Variants in RGS6 observed in about 807,000 individuals in gnomAD.
RGS6 encodes regulator of G-protein signaling 6.
A neutral mutation model predicts 78.5 loss-of-function variants in RGS6; 30 were observed. The ratio of observed to expected loss-of-function variants is 0.38; its 90% CI spans 0.29 to 0.52. RGS6 has a LOEUF of 0.52. RGS6 is among the 20% of genes least tolerant of loss of function. RGS6 has a pLI of 0.85. For missense variants in RGS6, 495 were observed against 609.7 expected, an observed-to-expected ratio of 0.81 and a Z score of 1.98; for synonymous variants, 206 against 206.0, an observed-to-expected ratio of 1.00 and a Z score of 0.00.
chr14:72,390,790 G>A (rs1437069721), intron 3 of RGS6, among the ~76,000 whole-genome samples: 2 of 152,228 alleles, frequency 1.3e-5, no homozygotes, highest in African/African-American at 4.8e-5. Context: ...TGGAGGCTCA[G>A]AGAGATTGGT....
intron 17 of RGS6, among the ~76,000 whole-genome samples, chr14:72,553,735 C>G (rs1370576218): frequency 6.6e-6 from 1 of 152,202 alleles, no homozygotes; most frequent in Non-Finnish European, 1.5e-5. Flanking sequence ...GAAGATGCTT[C>G]TAAATCCAAT....
intron 2 of RGS6, chr14:71,990,774 C>T (rs920399811): frequency 2.2e-6 from 1 of 456,048 alleles, no homozygotes; most frequent in Middle Eastern, 3.3e-4. Flanking sequence ...CTCCAAATGC[C>T]TATATCCAGC....
chr14:72,076,965 TATATAA>T (rs986194542), intron 2 of RGS6, among the ~76,000 whole-genome samples: 38 of 148,634 alleles, frequency 2.6e-4, no homozygotes, highest in African/African-American at 9.3e-4. Context: ...TATATATATA[TATATAA>T]ATGTTATATA....
intron 3 of RGS6, 30 bp downstream of exon 3, chr14:72,352,224 C>A: frequency 6.6e-7 from 1 of 1,525,406 alleles, no homozygotes; most frequent in Non-Finnish European, 9.1e-7. Context: ...GTGTTGGTAA[C>A]AGTCAGAACT....
intron 2 of RGS6, among the ~76,000 whole-genome samples, chr14:72,065,825 GGTTA>G (rs1483065958): frequency 6.6e-6 from 1 of 151,736 alleles, no homozygotes; most frequent in South Asian, 2.1e-4. Context: ...ACAATGTGCA[GGTTA>G]GTTACATATG....
At chr14:72,021,371 A>G (rs2088451102) in intron 2 of RGS6, among the ~76,000 whole-genome samples, 1 of 151,874 alleles carries the variant, frequency 6.6e-6, no homozygotes, top group Non-Finnish European at 1.5e-5. Context: ...CACGTAAGCC[A>G]TCATTTGAGT....
intron 10 of RGS6, among the ~76,000 whole-genome samples, chr14:72,475,700 G>A (rs186868824): frequency 4.6e-5 from 7 of 152,072 alleles, no homozygotes; most frequent in Non-Finnish European, 1.0e-4. Flanking sequence ...TTGTACTCCA[G>A]CCTGGGCAAC....
At chr14:71,889,082 G>A in the RGS6 span, among the ~76,000 whole-genome samples, 1 of 152,034 alleles carries the variant, frequency 6.6e-6, no homozygotes, top group African/African-American at 2.4e-5. Context: ...AATGAATAAT[G>A]ACACAGTGTG....
chr14:72,183,170 A>G (rs2097196708), intron 2 of RGS6, among the ~76,000 whole-genome samples: 1 of 152,240 alleles, frequency 6.6e-6, no homozygotes. Flanking sequence ...ATGTCACCTT[A>G]AAATGAGGTT....
intron 2 of RGS6, among the ~76,000 whole-genome samples, chr14:72,011,475 G>C (rs2085698368): frequency 6.6e-6 from 1 of 151,976 alleles, no homozygotes; most frequent in Non-Finnish European, 1.5e-5. Flanking sequence ...CCTTGAATTA[G>C]GTTCTATGAG....
chr14:72,008,401 G>A (rs2084994915), intron 2 of RGS6, among the ~76,000 whole-genome samples: 1 of 152,190 alleles, frequency 6.6e-6, no homozygotes, highest in African/African-American at 2.4e-5. Context: ...GACAGTAGGA[G>A]GGGTGGGAGT....
At chr14:72,392,893 C>A (rs2090357604) in intron 3 of RGS6, among the ~76,000 whole-genome samples, 1 of 152,174 alleles carries the variant, frequency 6.6e-6, no homozygotes, top group Admixed American at 6.5e-5. Context: ...CTGAGATTTC[C>A]AGCAGGCAGA....
rs114839214 is a variant in RGS6 at position 72,136,148 on chromosome 14, A to G, written c.84+171273A>G. ...CCTCACTTGCTTAAGTCATCGATGC[A>G]GTGGACTGACACCACCTTTCTCTTA... On this transcript the variant is annotated intron_variant, in intron 2 of 17. Transcript: ENST00000553525. Among the ~76,000 whole-genome samples, 291 of 152,254 alleles carry G rather than the reference A, an allele frequency of 1.9e-3. 1 individual carries two copies. The highest frequency in any genetic ancestry group is 6.7e-3 in the African/African-American group (278 of 41,542).
chr14:72,448,577 T>C (rs139281532), intron 3 of RGS6, among the ~76,000 whole-genome samples: 1 of 152,312 alleles, frequency 6.6e-6, no homozygotes, highest in East Asian at 1.9e-4. Flanking sequence ...AAAATGGAGA[T>C]AATAATATGC....
the RGS6 span, among the ~76,000 whole-genome samples, chr14:71,898,217 C>T: frequency 1.3e-5 from 2 of 152,120 alleles, no homozygotes; most frequent in African/African-American, 4.8e-5. Flanking sequence ...CAGTAAATCT[C>T]CAGAACTTAC....
At chr14:72,109,359 G>A (rs1597712652) in intron 2 of RGS6, among the ~76,000 whole-genome samples, 1 of 152,170 alleles carries the variant, frequency 6.6e-6, no homozygotes, top group East Asian at 1.9e-4. Context: ...TCTGTCTTTC[G>A]ACATGTAGGG....
At chr14:72,506,161 C>G (rs764614895) in intron 13 of RGS6, among the ~76,000 whole-genome samples, 3 of 152,214 alleles carry the variant, frequency 2.0e-5, no homozygotes. Flanking sequence ...GTGCTGAACA[C>G]TTGCCATGTG....
chr14:72,506,770 G>A (rs1442463804), intron 13 of RGS6, among the ~76,000 whole-genome samples: 1 of 152,062 alleles, frequency 6.6e-6, no homozygotes, highest in African/African-American at 2.4e-5. Flanking sequence ...TTTGGAAATA[G>A]AGTTGTTGCA....
intron 2 of RGS6, among the ~76,000 whole-genome samples, chr14:72,135,028 A>G (rs28410909): frequency 0.35 from 53,121 of 152,082 alleles, 9,953 homozygotes; most frequent in African/African-American, 0.47. Flanking sequence ...TTTAATAGAC[A>G]TTTGGGTATC....
Sources: allele counts gnomAD v4.1 joint callset (sites outside exome capture counted in the v4.1 genomes callset), GRCh38; gene constraint gnomAD v4.1.1; transcripts MANE v1.5; gene names NCBI Gene and HGNC (gene_info 2026-07-23, HGNC 2026-07-21).